ADAMTS2: variants seen among roughly 807,000 people sequenced by gnomAD.
ADAMTS2 encodes the protein ADAM metallopeptidase with thrombospondin type 1 motif 2, also known as A disintegrin and metalloproteinase with thrombospondin motifs 2.
In ADAMTS2, 50 loss-of-function variants were observed where a neutral mutation model predicts 123.0. That is an observed-to-expected ratio of 0.41 (90% CI 0.32 to 0.51). ADAMTS2 has a LOEUF of 0.51. Among genes scored for constraint, ADAMTS2 ranks in the 20% least tolerant of loss-of-function variants. The probability of loss-of-function intolerance (pLI) is 0.35; values close to 1 mark genes in which losing one functional copy is unlikely to be tolerated. For synonymous variants in ADAMTS2, 678 were observed against 695.4 expected (o/e 0.98, Z 0.39); for missense variants, 1,494 against 1,705.2 (o/e 0.88, Z 2.18).
rs766308878 is a variant in ADAMTS2, at chr5:179,140,045, AG to A, written c.1630-11del. The A allele has an allele frequency of 6.2e-7, 1 of 1,613,966 alleles. No homozygotes were observed. Among genetic ancestry groups the A allele is most frequent in the Admixed American group, 1.7e-5 (1 of 60,020 alleles). On this transcript the variant is annotated splice_polypyrimidine_tract_variant and intron_variant, in intron 10 of 21. Coordinates refer to ENST00000251582, the MANE Select transcript of ADAMTS2 (RefSeq NM_014244.5). Reference sequence around the variant, plus strand: ...GTCCTTTAAAACAATGCTGAAAGACAGGAAGCCAGTCCCTCCACTCACCCTC... The same window carrying A: ...GTCCTTTAAAACAATGCTGAAAGACAGAAGCCAGTCCCTCCACTCACCCTC...
intron 3 of ADAMTS2, among the ~76,000 whole-genome samples, chr5:179,224,041 C>T (rs1027459167): frequency 6.6e-6 from 1 of 152,220 alleles, no homozygotes; most frequent in African/African-American, 2.4e-5. Context: ...GGAGACAGGA[C>T]AGGGTAGGAC....
chr5:179,246,637 T>A (rs76681953), intron 3 of ADAMTS2, among the ~76,000 whole-genome samples: 5,543 of 152,218 alleles, frequency 0.036, 137 homozygotes, highest in Non-Finnish European at 0.059. Flanking sequence ...ACATTTAGGG[T>A]CTGTACAAGT....
At chr5:179,343,672 C>G in intron 2 of ADAMTS2, 95 bp downstream of exon 2, 1 of 1,499,238 alleles carries the variant, frequency 6.7e-7, no homozygotes, top group Non-Finnish European at 9.0e-7. Flanking sequence ...GTCCTCAGCG[C>G]AGGCCTTGCC....
chr5:179,218,175 C>T (rs1203021498), intron 3 of ADAMTS2, among the ~76,000 whole-genome samples: 2 of 152,226 alleles, frequency 1.3e-5, no homozygotes, highest in African/African-American at 4.8e-5. Context: ...CACACAAGCA[C>T]TGCCAGGGCC....
Position 179,208,881 on chromosome 5 carries a change from G to A in ADAMTS2, c.689-1166C>T, listed in dbSNP as rs181259715. On this transcript the variant is annotated intron_variant, in intron 3 of 21. Transcript: ENST00000251582. The stretch of plus-strand genomic sequence containing the variant: ...GACAGACCCAGGGCTGCAGGTCATC[G>A]TGACATCACTGACCCACAGGGCGGT... Among the ~76,000 whole-genome samples, 161 of 152,256 alleles carry A rather than the reference G, an allele frequency of 1.1e-3. 4 individuals are homozygous for A. Among genetic ancestry groups the A allele is most frequent in the Admixed American group, 2.8e-3 (43 of 15,308 alleles).
At position 179,298,301 on chromosome 5, in the gene ADAMTS2, G is replaced by A. The variant is rs116201483; in HGVS notation, c.535-25237C>T. 7.1e-3 allele frequency among the ~76,000 whole-genome samples: 1,088 copies of A among 152,284 alleles called. 6 individuals are homozygous for A. The highest frequency in any genetic ancestry group is 0.025 in the African/African-American group (1,038 of 41,548). On this transcript the variant is annotated intron_variant, in intron 2 of 21. Transcript: ENST00000251582. ...TGGAGATGAGCTCTTCCTGTCCCAA[G>A]GTGATGGTGTGAAGCGGGCCTTTGG...
At chr5:179,247,492 T>G (rs1765828084) in intron 3 of ADAMTS2, among the ~76,000 whole-genome samples, 1 of 152,140 alleles carries the variant, frequency 6.6e-6, no homozygotes, top group African/African-American at 2.4e-5. Flanking sequence ...TTCCCCAAAT[T>G]TGATAAAAAG....
intron 13 of ADAMTS2, 22 bp downstream of exon 13, chr5:179,135,887 G>A (rs746948272): frequency 1.9e-5 from 31 of 1,612,428 alleles, no homozygotes; most frequent in East Asian, 1.8e-4. Context: ...GTAGCCCCCC[G>A]TGCCGGCCTC....
rs966522443 is a variant in ADAMTS2 at position 179,130,295 on chromosome 5, A to G, written c.2291-197T>C. Among the ~76,000 whole-genome samples the G allele has an allele frequency of 6.6e-6, 1 of 152,038 alleles. No homozygotes were observed. Among genetic ancestry groups the G allele is most frequent in the Non-Finnish European group, 1.5e-5 (1 of 68,006 alleles). ...GCTTGCCCATCACTGCTCCCTCGGG[A>G]CCAGATTACCCTCCACTCGCATCCT... On this transcript the variant is annotated intron_variant, in intron 15 of 21. Coordinates refer to ENST00000251582, the MANE Select transcript of ADAMTS2 (RefSeq NM_014244.5). This position sits in a 1 kb window ranked among gnomAD's most constrained non-coding sequence, Gnocchi z 4.3.
chr5:179,275,702 G>A (rs748893294), intron 2 of ADAMTS2, among the ~76,000 whole-genome samples: 118 of 152,350 alleles, frequency 7.7e-4, no homozygotes, highest in Non-Finnish European at 1.2e-3. Flanking sequence ...GCCAGAAAGT[G>A]TCCTCCCCCA....
chr5:179,323,832 A>C (rs1561746143), intron 2 of ADAMTS2, among the ~76,000 whole-genome samples: 1 of 152,204 alleles, frequency 6.6e-6, no homozygotes, highest in African/African-American at 2.4e-5. Flanking sequence ...GCACACAAAA[A>C]AGTTTTACAT....
chr5:179,250,538 C>A (rs758651568), intron 3 of ADAMTS2, among the ~76,000 whole-genome samples: 17 of 152,172 alleles, frequency 1.1e-4, no homozygotes, highest in Admixed American at 2.0e-4. Context: ...ATGTGAATTA[C>A]AGCTCAATAA....
chr5:179,169,529 C>A (rs982011434), intron 5 of ADAMTS2, among the ~76,000 whole-genome samples: 1 of 152,128 alleles, frequency 6.6e-6, no homozygotes, highest in African/African-American at 2.4e-5. Context: ...GGCCATCATG[C>A]CTTGCACCCC....
Position 179,170,219 on chromosome 5 carries a change from C to T in ADAMTS2, c.975+10853G>A, listed in dbSNP as rs569466075. Among the ~76,000 whole-genome samples, 4 of 152,276 alleles carry T rather than the reference C, an allele frequency of 2.6e-5. No homozygotes were observed. The highest frequency in any genetic ancestry group is 2.0e-4 in the Admixed American group (3 of 15,302). On this transcript the variant is annotated intron_variant, in intron 5 of 21. Coordinates refer to ENST00000251582, the MANE Select transcript of ADAMTS2 (RefSeq NM_014244.5). The surrounding 1 kb of genome is among the most constrained non-coding windows in gnomAD (Gnocchi z 4.3). Reference sequence around the variant, plus strand: ...AACATGTCACTCAAACAAGTGCTACCAATTTTATCCCCACTGGAGCCTGGT... The same window carrying T: ...AACATGTCACTCAAACAAGTGCTACTAATTTTATCCCCACTGGAGCCTGGT...
chr5:179,181,265 C>T lies in ADAMTS2; in HGVS notation c.892-110G>A, dbSNP rs1581171987. 2 of 807,930 alleles carry T rather than the reference C, an allele frequency of 2.5e-6. No individual in the cohort carries two copies. The highest frequency in any genetic ancestry group is 2.6e-5 in the East Asian group (1 of 38,938). 50.0% of individuals were successfully genotyped at this position (807,930 alleles called of 1,614,324 possible). ...CCTTCTTCTTCCCATGCTTTCCACC[C>T]AGGCGTCACCATCAACTAGGAGCCA... On this transcript the variant is annotated intron_variant, in intron 4 of 21. Transcript: ENST00000251582. This position sits in a 1 kb window ranked among gnomAD's most constrained non-coding sequence, Gnocchi z 4.1.
At chr5:179,159,097 C>T (rs543441213) in intron 5 of ADAMTS2, among the ~76,000 whole-genome samples, 4 of 152,340 alleles carry the variant, frequency 2.6e-5, no homozygotes, top group African/African-American at 9.6e-5. Flanking sequence ...GCGTGAGTTT[C>T]CACACAAAGT....
At chr5:179,167,526 G>A (rs888038222) in intron 5 of ADAMTS2, among the ~76,000 whole-genome samples, 2 of 152,200 alleles carry the variant, frequency 1.3e-5, no homozygotes, top group East Asian at 1.9e-4. Flanking sequence ...TCAAGGAGAC[G>A]TGGGAGGAAA....
At chr5:179,190,483 A>C (rs576644272) in intron 4 of ADAMTS2, among the ~76,000 whole-genome samples, 1 of 152,324 alleles carries the variant, frequency 6.6e-6, no homozygotes, top group South Asian at 2.1e-4. Flanking sequence ...TAAAGGACTA[A>C]GAATTGGGAG....
intron 19 of ADAMTS2, among the ~76,000 whole-genome samples, chr5:179,124,052 C>T (rs1225022743): frequency 2.0e-5 from 3 of 152,216 alleles, no homozygotes; most frequent in Non-Finnish European, 4.4e-5. Flanking sequence ...TGGGAGGGGA[C>T]ACCGGGAGCC....
Sources: gnomAD v4.1 joint callset for allele counts (sites outside exome capture counted in the v4.1 genomes callset) on GRCh38, gnomAD v4.1.1 for gene constraint, Gnocchi (gnomAD v3.1) non-coding constraint, MANE v1.5 for transcripts, NCBI Gene and HGNC (gene_info 2026-07-23, HGNC 2026-07-21) for gene names.